The following OR9G4 variants were observed in gnomAD, a reference collection of about 807,000 sequenced individuals.
The protein encoded by OR9G4 is olfactory receptor 9G4.
Under a neutral mutation model 16.7 loss-of-function variants are expected in OR9G4, and 19 were observed. The observed-to-expected ratio is 1.14, with a 90% CI of 0.79 to 1.67. OR9G4 has a LOEUF of 1.67. Ranked by LOEUF, OR9G4 falls within the 40% of genes most tolerant of loss-of-function variation. The pLI is 0.00. For missense variants in OR9G4, 428 were observed against 370.4 expected, an observed-to-expected ratio of 1.16 and a Z score of -1.28; for synonymous variants, 182 against 146.2, an observed-to-expected ratio of 1.24 and a Z score of -1.76.
rs544581902 is a variant in OR9G4, at chr11:56,743,611, A to C, written c.156T>G (p.Asp52Glu). The C allele has an allele frequency of 4.3e-6, 7 of 1,614,086 alleles. No homozygotes were observed. In the South Asian group the frequency reaches 6.6e-5, roughly 15 times the overall value. The change falls in exon 2 of 2, where the codon GAT becomes GAG. Residue 52 changes from aspartate to glutamate, a missense_variant. Transcript: ENST00000641668. ...AGTACATAGGTGTATGCAAGTGGGA[A>C]TCAGTTCGGATTAAGATAACCAAGG... Reference protein sequence around the residue: ...NMTLVILIRTDSHLHTPMYFF... With the variant: ...NMTLVILIRTESHLHTPMYFF...
chr11:56,746,135 T>C (rs1333764821), intron 1 of OR9G4, among the ~76,000 whole-genome samples: 2 of 150,568 alleles, frequency 1.3e-5, no homozygotes, highest in Non-Finnish European at 3.0e-5. Context: ...CTACTAAAAA[T>C]ACAAAAAATT....
chr11:56,744,173 T>C (rs1282110154), intron 1 of OR9G4, among the ~76,000 whole-genome samples: 1 of 152,086 alleles, frequency 6.6e-6, no homozygotes, highest in African/African-American at 2.4e-5. Context: ...GTTCAAGCAA[T>C]TCTCCTGCCT....
At chr11:56,747,716 C>A in intron 1 of OR9G4, among the ~76,000 whole-genome samples, 1 of 91,202 alleles carries the variant, frequency 1.1e-5, no homozygotes, top group East Asian at 2.8e-4. Context: ...ACACTGTCAC[C>A]CAGGCTGGAC....
At chr11:56,744,088 G>C (rs1416843707) in intron 1 of OR9G4, 1 of 341,376 alleles carries the variant, frequency 2.9e-6, no homozygotes, top group Non-Finnish European at 5.2e-6. Flanking sequence ...TTTTTTTTGA[G>C]ATGGAATCTC....
At position 56,743,116 on chromosome 11, in the gene OR9G4, G is replaced by A. The variant is rs147926428; in HGVS notation, c.651C>T (p.Ser217=). ...GGATAGCCAGGAGGATGTTGACATA[G>A]GAAATCAGGATAGCAAGAATGCTGG... ...VLSSILAILI[S]YVNILLAILR... The change falls in exon 2 of 2, where the codon TCC becomes TCT. Residue 217 remains serine, a synonymous_variant. Coordinates refer to ENST00000641668, the MANE Select transcript of OR9G4 (RefSeq NM_001005284.2). 35 of 1,614,162 alleles carry A rather than the reference G, an allele frequency of 2.2e-5. No homozygotes were observed. The African/African-American group carries it at 3.9e-4, about 18-fold the overall frequency.
chr11:56,745,776 CAA>C (rs199528748), intron 1 of OR9G4, among the ~76,000 whole-genome samples: 4 of 136,366 alleles, frequency 2.9e-5, no homozygotes, highest in Admixed American at 7.1e-5. Context: ...TGTCTCAAAA[CAA>C]AAAAAAAAAA....
At position 56,743,520 on chromosome 11, in the gene OR9G4, C is replaced by G; in HGVS notation, c.247G>C (p.Ala83Pro). ...YTSVYTPKIL[A>P]SCVSEDKRIS... ...CGCTTATCTTCTGAGACACAACTGG[C>G]CAGGATTTTGGGGGTATACACAGAG... is the stretch of plus-strand genomic sequence containing the variant. The change falls in exon 2 of 2, where the codon GCC becomes CCC. Residue 83 changes from alanine to proline, a missense_variant. Ala to Pro is a conservative substitution (Grantham distance 27, BLOSUM62 -1). Coordinates refer to ENST00000641668, the MANE Select transcript of OR9G4 (RefSeq NM_001005284.2). The G allele has an allele frequency of 1.2e-6, 2 of 1,614,008 alleles. No homozygotes were observed. The highest frequency in any genetic ancestry group is 1.7e-6 in the Non-Finnish European group (2 of 1,180,012).
Position 56,743,261 on chromosome 11 carries a change from C to G in OR9G4, c.506G>C (p.Cys169Ser), listed in dbSNP as rs1332323672. Residue 169 changes from cysteine to serine, a missense_variant, in exon 2 of 2, where the codon TGT becomes TCT. By Grantham distance (112) the Cys-to-Ser change is moderately radical. Transcript: ENST00000641668. The stretch of plus-strand genomic sequence containing the variant: ...AAAGTGGTCAATGATATTTTTACCA[C>G]AAAAATGCAGGCGGAATGTATTGGC... ...HTANTFRLHF[C>S]GKNIIDHFFC... The G allele has an allele frequency of 6.2e-7, 1 of 1,613,964 alleles. No homozygotes were observed. The highest frequency in any genetic ancestry group is 1.3e-5 in the African/African-American group (1 of 74,884).
intron 1 of OR9G4, 42 bp from the exon 2 acceptor site, chr11:56,743,830 T>C (rs201801392): frequency 1.3e-6 from 2 of 1,587,324 alleles, no homozygotes; most frequent in East Asian, 2.2e-5. Context: ...GTTTTTTCTA[T>C]TCACACAAGT....
rs770562888 is a variant in OR9G4 at position 56,742,941 on chromosome 11, G to A, written c.826C>T (p.Leu276=). 1.2e-6 allele frequency: 2 copies of A among 1,613,980 alleles called. No individual in the cohort carries two copies. The highest frequency in any genetic ancestry group is 1.3e-5 in the African/African-American group (1 of 74,892). The change falls in exon 2 of 2, where the codon CTG becomes TTG. Residue 276 remains leucine (L), a synonymous_variant. Coordinates refer to ENST00000641668, the MANE Select transcript of OR9G4 (RefSeq NM_001005284.2). ...YSLERDKVAA[L]FYTVINPLLN... ...AGTGGGTTGATCACGGTGTAGAACAGAGCAGCTACTTTGTCCCTCTCTAGG... is the reference window on the plus strand; with the variant it reads ...AGTGGGTTGATCACGGTGTAGAACAAAGCAGCTACTTTGTCCCTCTCTAGG...
chr11:56,741,622 T>A lies in OR9G4; in HGVS notation c.*1206A>T, dbSNP rs659795. ...AAAATAAATGCAGCTGAAGAGAAAGTTGAGAAATGTCAAGTAAAGACAAAT... is the reference window on the plus strand; with the variant it reads ...AAAATAAATGCAGCTGAAGAGAAAGATGAGAAATGTCAAGTAAAGACAAAT... On this transcript the variant is annotated 3_prime_UTR_variant, in exon 2 of 2. Coordinates refer to ENST00000641668, the MANE Select transcript of OR9G4 (RefSeq NM_001005284.2). The A allele has an allele frequency of 1, 152,099 of 152,356 alleles. 75,923 individuals carry two copies. Among genetic ancestry groups the A allele is most frequent in the Middle Eastern group, 1 (294 of 294 alleles). The allele number at this position is 152,356 out of a possible 1,614,324, so 9.4% of individuals were successfully genotyped here.
At chr11:56,744,695 C>G (rs1858376624) in intron 1 of OR9G4, among the ~76,000 whole-genome samples, 1 of 152,092 alleles carries the variant, frequency 6.6e-6, no homozygotes, top group South Asian at 2.1e-4. Context: ...TTTCAAGAAG[C>G]TTTTTATGTT....
chr11:56,747,411 C>T (rs1255814582), intron 1 of OR9G4, among the ~76,000 whole-genome samples: 2 of 152,076 alleles, frequency 1.3e-5, no homozygotes, highest in East Asian at 1.9e-4. Flanking sequence ...AATCTTCACC[C>T]TTATTACTCT....
Position 56,743,801 on chromosome 11 carries a change from G to C in OR9G4, c.-22-13C>G. The C allele has an allele frequency of 1.2e-6, 2 of 1,608,550 alleles. No homozygotes were observed. Among genetic ancestry groups the C allele is most frequent in the Admixed American group, 3.4e-5 (2 of 59,004 alleles). ...GGTGAAAGCCTGACTATCATGAGAA[G>C]GGAAAATCATCACTTAGTGTTTTTT... On this transcript the variant is annotated splice_polypyrimidine_tract_variant and intron_variant, in intron 1 of 1. Coordinates refer to ENST00000641668, the MANE Select transcript of OR9G4 (RefSeq NM_001005284.2).
At chr11:56,748,520 C>G (rs1441053933) in intron 1 of OR9G4, 136 bp downstream of exon 1, 1 of 152,194 alleles carries the variant, frequency 6.6e-6, no homozygotes, top group African/African-American at 2.4e-5. Context: ...GGAGTCTGCA[C>G]GTGCACCTGT....
rs781729884 is a variant in OR9G4, at chr11:56,743,795, T to A, written c.-22-7A>T. 14 of 1,610,552 alleles carry A rather than the reference T, an allele frequency of 8.7e-6. No homozygotes were observed. The highest frequency in any genetic ancestry group is 1.2e-5 in the Non-Finnish European group (14 of 1,178,522). On this transcript the variant is annotated splice_region_variant and splice_polypyrimidine_tract_variant and intron_variant, in intron 1 of 1. Transcript: ENST00000641668. ...CACGGAGGTGAAAGCCTGACTATCA[T>A]GAGAAGGGAAAATCATCACTTAGTG... is the stretch of plus-strand genomic sequence containing the variant.
intron 1 of OR9G4, among the ~76,000 whole-genome samples, chr11:56,744,320 C>T (rs1858370218): frequency 6.6e-6 from 1 of 152,210 alleles, no homozygotes. Context: ...TCCCAAAGTG[C>T]TGGGATTACA....
At chr11:56,743,941 T>C (rs1324595331) in intron 1 of OR9G4, 153 bp from the exon 2 acceptor site, 1 of 815,538 alleles carries the variant, frequency 1.2e-6, no homozygotes. Flanking sequence ...TTTGGAAAAA[T>C]TACTGGAATT....
At chr11:56,745,038 C>T (rs903630795) in intron 1 of OR9G4, among the ~76,000 whole-genome samples, 4 of 152,144 alleles carry the variant, frequency 2.6e-5, no homozygotes, top group Non-Finnish European at 5.9e-5. Context: ...GTGTATTTAC[C>T]TCCAAAAGGG....
Sources: allele counts gnomAD v4.1 joint callset (sites outside exome capture counted in the v4.1 genomes callset), GRCh38; gene constraint gnomAD v4.1.1; transcripts MANE v1.5; gene names NCBI Gene and HGNC (gene_info 2026-07-23, HGNC 2026-07-21).